Variants in KLRD1 observed in about 807,000 individuals in gnomAD.
KLRD1 encodes natural killer cells antigen CD94.
KLRD1 carries 21 observed loss-of-function variants against 22.6 expected under a neutral mutation model. The ratio of observed to expected loss-of-function variants is 0.93; its 90% CI spans 0.66 to 1.34. KLRD1 has a LOEUF of 1.34. Ranked by LOEUF, KLRD1 falls within the 40% of genes most tolerant of loss-of-function variation. The pLI is 0.00. For synonymous variants in KLRD1, 59 were observed against 71.1 expected (o/e 0.83, Z 0.85); for missense variants, 183 against 208.6 (o/e 0.88, Z 0.76).
chr12:10,326,174 T>A lies in KLRD1; in HGVS notation c.*11381T>A, dbSNP rs967044598. 1 of 152,190 alleles carries A rather than the reference T, an allele frequency of 6.6e-6. No individual in the cohort carries two copies. The highest frequency in any genetic ancestry group is 2.4e-5 in the African/African-American group (1 of 41,448). 9.4% of individuals were successfully genotyped at this position (152,190 alleles called of 1,614,324 possible). On this transcript the variant is annotated 3_prime_UTR_variant, in exon 6 of 6. Transcript: ENST00000336164. Reference sequence around the variant, plus strand: ...GGGTTACTTGTGTTTTTTTTAATATTGAGTTGTAGGAGTTCTTTATATGTT... The same window carrying A: ...GGGTTACTTGTGTTTTTTTTAATATAGAGTTGTAGGAGTTCTTTATATGTT...
intron 1 of KLRD1, among the ~76,000 whole-genome samples, chr12:10,257,938 C>T (rs1294807923): frequency 6.6e-6 from 1 of 152,108 alleles, no homozygotes; most frequent in Non-Finnish European, 1.5e-5. Flanking sequence ...AAGGTCTTCT[C>T]AGGTCTTTTG....
At chr12:10,269,825 A>G (rs1180596203) in intron 1 of KLRD1, among the ~76,000 whole-genome samples, 1 of 152,066 alleles carries the variant, frequency 6.6e-6, no homozygotes, top group Non-Finnish European at 1.5e-5. Context: ...AGTATTTGAT[A>G]AATTTATTAT....
chr12:10,326,278 G>A lies in KLRD1; in HGVS notation c.*11485G>A, dbSNP rs1448496401. The A allele has an allele frequency of 6.6e-6, 1 of 151,878 alleles. No homozygotes were observed. Among genetic ancestry groups the A allele is most frequent in the Non-Finnish European group, 1.5e-5 (1 of 67,964 alleles). The allele number at this position is 151,878 out of a possible 1,614,324, so 9.4% of individuals were successfully genotyped here. A position where few individuals can be genotyped will look rare whatever the true frequency, so the allele number is the denominator to read the frequency against. On this transcript the variant is annotated 3_prime_UTR_variant, in exon 6 of 6. Coordinates refer to ENST00000336164, the MANE Select transcript of KLRD1 (RefSeq NM_002262.5). The stretch of plus-strand genomic sequence containing the variant: ...TGTAGATCATCCTTTCATTCCATTG[G>A]TTATTTCCTTTGTGAACCCTGAAAA...
At chr12:10,251,371 G>A (rs991674559) in intron 1 of KLRD1, among the ~76,000 whole-genome samples, 2 of 151,774 alleles carry the variant, frequency 1.3e-5, no homozygotes, top group African/African-American at 2.4e-5. Flanking sequence ...GTAATCCTCC[G>A]GTCTTAGCCT....
At chr12:10,245,687 G>C (rs1285709073) in intron 1 of KLRD1, among the ~76,000 whole-genome samples, 2 of 152,128 alleles carry the variant, frequency 1.3e-5, no homozygotes, top group East Asian at 3.8e-4. Flanking sequence ...AGATAATGAC[G>C]TATGATTAAA....
intron 1 of KLRD1, among the ~76,000 whole-genome samples, chr12:10,274,180 T>C (rs988894745): frequency 2.0e-5 from 3 of 152,100 alleles, no homozygotes; most frequent in African/African-American, 7.2e-5. Flanking sequence ...CTCAGGAGGC[T>C]GAGGCAGGAG....
chr12:10,313,411 A>G lies in KLRD1; in HGVS notation c.317A>G (p.Asp106Gly). Residue 106 changes from aspartate to glycine, a missense_variant and splice_region_variant, in exon 5 of 6, where the codon GAT becomes GGT. Coordinates refer to ENST00000336164, the MANE Select transcript of KLRD1 (RefSeq NM_002262.5). The stretch of plus-strand genomic sequence containing the variant: ...GTGATTGTCTTTTACTTGAAGCAGG[A>G]TTTTATGAGCTCCAGTCAACAATTT... ...LLQLQNTDEL[D>G]FMSSSQQFYW... is the part of the protein sequence containing the mutation. 6.3e-7 allele frequency: 1 copy of G among 1,578,708 alleles called. No homozygotes were observed. The highest frequency in any genetic ancestry group is 1.4e-5 in the African/African-American group (1 of 73,722).
At chr12:10,310,479 A>T (rs1168403445) in intron 3 of KLRD1, among the ~76,000 whole-genome samples, 1 of 152,150 alleles carries the variant, frequency 6.6e-6, no homozygotes, top group Admixed American at 6.6e-5. Context: ...TCTCACCATC[A>T]TCTTGATTAT....
chr12:10,252,734 G>A (rs1442636449), intron 1 of KLRD1, among the ~76,000 whole-genome samples: 1 of 152,072 alleles, frequency 6.6e-6, no homozygotes, highest in African/African-American at 2.4e-5. Flanking sequence ...TGAGAAAGAG[G>A]AATAACTTTC....
intron 1 of KLRD1, among the ~76,000 whole-genome samples, chr12:10,286,598 T>A (rs1357256308): frequency 6.6e-6 from 1 of 151,624 alleles, no homozygotes; most frequent in African/African-American, 2.4e-5. Flanking sequence ...TGATAAGGAT[T>A]GATTAGAAAT....
At chr12:10,288,341 TATATA>T (rs1343817259) in intron 1 of KLRD1, among the ~76,000 whole-genome samples, 2 of 152,098 alleles carry the variant, frequency 1.3e-5, no homozygotes, top group Non-Finnish European at 2.9e-5. Flanking sequence ...TTGTAATTAT[TATATA>T]ATAAACCTAC....
chr12:10,270,661 A>C (rs2617136), intron 1 of KLRD1, among the ~76,000 whole-genome samples: 1 of 152,158 alleles, frequency 6.6e-6, no homozygotes, highest in African/African-American at 2.4e-5. Flanking sequence ...GAAGATATTA[A>C]TATTTTGATG....
intron 1 of KLRD1, among the ~76,000 whole-genome samples, chr12:10,253,635 A>G (rs1949364974): frequency 6.6e-6 from 1 of 152,110 alleles, no homozygotes; most frequent in African/African-American, 2.4e-5. Flanking sequence ...AGTTCTTATC[A>G]TTTAGCTCCC....
At chr12:10,259,338 A>G (rs1178693404) in intron 1 of KLRD1, among the ~76,000 whole-genome samples, 1 of 152,150 alleles carries the variant, frequency 6.6e-6, no homozygotes, top group Admixed American at 6.5e-5. Context: ...TATGTAGAAT[A>G]TTTTGTTATT....
At chr12:10,275,489 A>G (rs769281956) in intron 1 of KLRD1, among the ~76,000 whole-genome samples, 7 of 152,228 alleles carry the variant, frequency 4.6e-5, no homozygotes, top group Non-Finnish European at 1.0e-4. Flanking sequence ...GCAAATCCAC[A>G]TGATGTCTGG....
rs1017495022 is a variant in KLRD1 at position 10,309,851 on chromosome 12, T to C, written c.163+163T>C. 2.6e-5 allele frequency among the ~76,000 whole-genome samples: 4 copies of C among 152,344 alleles called. No individual in the cohort carries two copies. The East Asian group carries it at 5.8e-4, about 22-fold the overall frequency. ...TACATTGCTCAATCTAATGTAAAAA[T>C]GATTAAATTACACTGAATGTGTATC... On this transcript the variant is annotated intron_variant, in intron 3 of 5. Coordinates refer to ENST00000336164, the MANE Select transcript of KLRD1 (RefSeq NM_002262.5).
At chr12:10,287,141 A>T (rs1949714493) in intron 1 of KLRD1, among the ~76,000 whole-genome samples, 1 of 148,634 alleles carries the variant, frequency 6.7e-6, no homozygotes, top group Non-Finnish European at 1.5e-5. Context: ...GTCTCAAAAC[A>T]AAAACAAAAC....
intron 1 of KLRD1, among the ~76,000 whole-genome samples, chr12:10,284,571 AGCGTGAATCATCAAAT>A (rs1352408747): frequency 6.6e-6 from 1 of 152,250 alleles, no homozygotes; most frequent in African/African-American, 2.4e-5. Context: ...GCTGGGTTAT[AGCGTGAATCATCAAAT>A]GCCAATGAGG....
At chr12:10,298,543 C>A (rs1011398173) in intron 1 of KLRD1, among the ~76,000 whole-genome samples, 1 of 152,228 alleles carries the variant, frequency 6.6e-6, no homozygotes, top group Non-Finnish European at 1.5e-5. Flanking sequence ...AACAAAATAT[C>A]TGCAGCACTG....
Sources: gnomAD v4.1 joint callset for allele counts (sites outside exome capture counted in the v4.1 genomes callset) on GRCh38, gnomAD v4.1.1 for gene constraint, MANE v1.5 for transcripts, NCBI Gene and HGNC (gene_info 2026-07-23, HGNC 2026-07-21) for gene names.